SCNN1D: variants seen among roughly 807,000 people sequenced by gnomAD.
SCNN1D encodes sodium channel epithelial 1 subunit delta.
SCNN1D carries 104 observed loss-of-function variants against 87.8 expected under a neutral mutation model. The ratio of observed to expected loss-of-function variants is 1.18; its 90% CI spans 1.01 to 1.39. The LOEUF is 1.39. Among genes scored for constraint, SCNN1D ranks in the 40% most tolerant of loss-of-function variants. SCNN1D has a pLI of 0.00. For missense variants in SCNN1D, 1,324 were observed against 1,093.9 expected (o/e 1.21, Z -2.97); for synonymous variants, 628 against 481.2 (o/e 1.31, Z -3.99).
At chr1:1,289,904 TCCGTCCCGTGTCTCTGCC>T (rs1557585815) in intron 12 of SCNN1D, among the ~76,000 whole-genome samples, 1 of 19,570 alleles carries the variant, frequency 5.1e-5, no homozygotes, top group Non-Finnish European at 7.9e-5. Flanking sequence ...GTGTCTCTGC[TCCGTCCCGTGTCTCTGCC>T]CCGTCCCCCG....
chr1:1,290,994 T>G, intron 16 of SCNN1D, 41 bp downstream of exon 16: 3 of 1,514,788 alleles, frequency 2.0e-6, no homozygotes, highest in Non-Finnish European at 2.7e-6. Flanking sequence ...TCACAGCCCC[T>G]CTCCCCTCAA....
intron 12 of SCNN1D, among the ~76,000 whole-genome samples, chr1:1,288,489 TCCGTCCCGTGTCTCTGCC>T (rs1640681823): frequency 2.7e-5 from 1 of 37,218 alleles, no homozygotes; most frequent in Non-Finnish European, 5.3e-5. Flanking sequence ...GTGTCTCTGC[TCCGTCCCGTGTCTCTGCC>T]CCGTCCCGTG....
chr1:1,284,504 TGTGTGCTGGACCACTGGGGGTGCCGAGC>T (rs1391690575), intron 5 of SCNN1D, among the ~76,000 whole-genome samples: 14 of 150,076 alleles, frequency 9.3e-5, no homozygotes, highest in African/African-American at 1.2e-4. Flanking sequence ...GGGTACATAG[TGTGTGCTGGACCACTGGGGGTGCCGAGC>T]GTGTGCTGGA....
At position 1,287,769 on chromosome 1, in the gene SCNN1D, C is replaced by T. The variant is rs147378480; in HGVS notation, c.1496C>T (p.Thr499Met). 1,281 of 1,598,990 alleles carry T rather than the reference C, an allele frequency of 8.0e-4. 2 individuals are homozygous for T. The highest frequency in any genetic ancestry group is 1.0e-3 in the Non-Finnish European group (1,188 of 1,173,342). Residue 499 changes from threonine (T) to methionine (M), a missense_variant, in exon 11 of 18, where the codon ACG (threonine) becomes ATG (methionine). Coordinates refer to ENST00000379116, the MANE Select transcript of SCNN1D (RefSeq NM_001130413.4). ...IRVMVHGRNH[T>M]PFLGHHSFSV... ...GTCATGGTTCACGGCCGTAACCACA[C>T]GCCCTTCCTGGGGCACCACAGCTTC...
At chr1:1,289,846 TGTCCGTCCCCCGA>T (rs1403219450) in intron 12 of SCNN1D, among the ~76,000 whole-genome samples, 11 of 138 alleles carry the variant, frequency 0.08, 1 homozygote, top group Non-Finnish European at 0.091. Flanking sequence ...CCCCGTCCCG[TGTCCGTCCCCCGA>T]GTCTCTGCTC....
chr1:1,281,322 A>C (rs1256397581), intron 2 of SCNN1D, 25 bp downstream of exon 2: 2 of 1,535,538 alleles, frequency 1.3e-6, no homozygotes. Context: ...ATGCTCGGTC[A>C]ATGGGGCCTG....
At chr1:1,282,129 C>T (rs922580921) in intron 3 of SCNN1D, 113 bp from the exon 4 acceptor site, 2 of 677,478 alleles carry the variant, frequency 3.0e-6, no homozygotes, top group African/African-American at 1.8e-5. Context: ...AGCCCCCTGC[C>T]GCGAGCTTGG....
In SCNN1D at chr1:1,285,870, G is replaced by A. The variant is rs552232004; in HGVS notation, c.559-56G>A. 391 of 1,472,066 alleles carry A rather than the reference G, an allele frequency of 2.7e-4. 1 individual carries two copies. The highest frequency in any genetic ancestry group is 3.3e-4 in the Non-Finnish European group (367 of 1,095,624). 91.2% of individuals were successfully genotyped at this position (1,472,066 alleles called of 1,614,324 possible). ...GGCTGACAGACATGACAGGCCCAGG[G>A]TAGGGAGGCCTGAGTGGGTGCAGGC... On this transcript the variant is annotated intron_variant, in intron 6 of 17. Transcript: ENST00000379116.
intron 3 of SCNN1D, 75 bp downstream of exon 3, chr1:1,281,685 AGCCGAGATGT>A: frequency 7.4e-7 from 1 of 1,342,590 alleles, no homozygotes; most frequent in South Asian, 1.4e-5. Flanking sequence ...TGCGTGATCC[AGCCGAGATGT>A]GCTCTGACTG....
chr1:1,290,149 C>CCT (rs1640744897), intron 12 of SCNN1D, 122 bp from the exon 13 acceptor site: 2 of 562,804 alleles, frequency 3.6e-6, no homozygotes, highest in Non-Finnish European at 5.9e-6. Flanking sequence ...TGCTCCGTCC[C>CCT]GTGTCTCTGC....
At chr1:1,287,015 G>C (rs1373009807) in intron 8 of SCNN1D, 40 bp downstream of exon 8, 2 of 1,597,560 alleles carry the variant, frequency 1.3e-6, no homozygotes, top group East Asian at 2.2e-5. Context: ...TCAGGGCCTT[G>C]AGCTGGGAGC....
In SCNN1D at chr1:1,291,299, T is replaced by G. The variant is rs769871200; in HGVS notation, c.2098T>G (p.Phe700Val). The G allele has an allele frequency of 4.4e-6, 7 of 1,579,458 alleles. No homozygotes were observed. In the East Asian group the frequency reaches 1.6e-4, roughly 36 times the overall value. ...SAMGSLCSLW[F>V]GASVLSLLEL... is the part of the protein sequence containing the mutation. ...CATGGGCAGCCTCTGCAGCCTGTGG[T>G]TTGGGGCCTCCGTCCTCTCCCTCCT... Residue 700 changes from phenylalanine to valine, a missense_variant, in exon 18 of 18, where the codon TTT becomes GTT. By Grantham distance (50) the Phe-to-Val change is conservative. Transcript: ENST00000379116.
chr1:1,289,647 T>C (rs371022065), intron 12 of SCNN1D, among the ~76,000 whole-genome samples: 15 of 4,652 alleles, frequency 3.2e-3, no homozygotes, highest in Admixed American at 5.8e-3. Context: ...GTGTCTCTGC[T>C]CCGTCCCGTG....
chr1:1,288,554 TGTCTCTGCTCCGTCC>T lies in SCNN1D; in HGVS notation c.1662+518_1662+532del, dbSNP rs1640685467. ...TCCCGTGTCTCTGCTCCGTCCCCCG[TGTCTCTGCTCCGTCC>T]CCCGTGTCTCTGCTCCGTCCCGTGT... is the stretch of plus-strand genomic sequence containing the variant. On this transcript the variant is annotated intron_variant, in intron 12 of 17. Coordinates refer to ENST00000379116, the MANE Select transcript of SCNN1D (RefSeq NM_001130413.4). Among the ~76,000 whole-genome samples the T allele has an allele frequency of 5.9e-5, 3 of 50,854 alleles. 1 individual carries two copies. The highest frequency in any genetic ancestry group is 2.4e-4 in the Admixed American group (1 of 4,248). 33.4% of individuals were successfully genotyped at this position (50,854 alleles called of 152,430 possible). A position where few individuals can be genotyped will look rare whatever the true frequency, so the allele number is the denominator to read the frequency against.
At chr1:1,283,220 TCTC>T (rs1640505645) in intron 4 of SCNN1D, among the ~76,000 whole-genome samples, 1 of 152,078 alleles carries the variant, frequency 6.6e-6, no homozygotes, top group Non-Finnish European at 1.5e-5. Flanking sequence ...GCAGGTGCCT[TCTC>T]CACACCCAGA....
In SCNN1D at chr1:1,291,659, G is replaced by C. The variant is rs754742114; in HGVS notation, c.*49G>C. 1 of 1,399,252 alleles carries C rather than the reference G, an allele frequency of 7.1e-7. No homozygotes were observed. Among genetic ancestry groups the C allele is most frequent in the East Asian group, 2.4e-5 (1 of 40,904 alleles). The allele number at this position is 1,399,252 out of a possible 1,614,324, so 86.7% of individuals were successfully genotyped here. A position where few individuals can be genotyped will look rare whatever the true frequency, so the allele number is the denominator to read the frequency against. Reference sequence around the variant, plus strand: ...ATCTCTTGGCCTGGTCCTTGCAGCTGTGGCAGCAGCAGGCTCCCCAGCGGC... The same window carrying C: ...ATCTCTTGGCCTGGTCCTTGCAGCTCTGGCAGCAGCAGGCTCCCCAGCGGC... On this transcript the variant is annotated 3_prime_UTR_variant, in exon 18 of 18. Transcript: ENST00000379116.
At chr1:1,290,602 T>C in intron 14 of SCNN1D, 35 bp from the exon 15 acceptor site, 1 of 1,612,442 alleles carries the variant, frequency 6.2e-7, no homozygotes. Context: ...TTGCCCCAGG[T>C]AGCGTGGCAG....
At chr1:1,290,428 G>GC in intron 13 of SCNN1D, 40 bp downstream of exon 13, 1 of 1,609,658 alleles carries the variant, frequency 6.2e-7, no homozygotes, top group Non-Finnish European at 8.5e-7. Flanking sequence ...TCAGCCATTA[G>GC]CCGGGGGGTC....
chr1:1,290,838 C>T, intron 15 of SCNN1D, 57 bp from the exon 16 acceptor site: 1 of 1,595,252 alleles, frequency 6.3e-7, no homozygotes, highest in Admixed American at 1.7e-5. Flanking sequence ...GCCCGTGGTA[C>T]CCAGGATGGC....
Sources: gnomAD v4.1 joint callset for allele counts (sites outside exome capture counted in the v4.1 genomes callset) on GRCh38, gnomAD v4.1.1 for gene constraint, MANE v1.5 for transcripts, NCBI Gene and HGNC (gene_info 2026-07-23, HGNC 2026-07-21) for gene names.